SH3GL1: variants seen among roughly 807,000 people sequenced by gnomAD.
The protein encoded by SH3GL1 is endophilin-A2.
Under a neutral mutation model 48.8 loss-of-function variants are expected in SH3GL1, and 21 were observed. The observed-to-expected ratio is 0.43, with a 90% confidence interval of 0.30 to 0.62. The LOEUF is 0.62. Among genes scored for constraint, SH3GL1 ranks in the 20% least tolerant of loss-of-function variants. The pLI is 0.11. For synonymous variants in SH3GL1, 282 were observed against 217.5 expected (o/e 1.30, Z -2.61); for missense variants, 454 against 503.0 (o/e 0.90, Z 0.93).
At chr19:4,373,565 C>T (rs946672758) in intron 1 of SH3GL1, among the ~76,000 whole-genome samples, 1 of 152,256 alleles carries the variant, frequency 6.6e-6, no homozygotes, top group Non-Finnish European at 1.5e-5. Context: ...CACCCGGGGA[C>T]AGCCACAGAC....
rs367904112 is a variant in SH3GL1, at chr19:4,361,690, G to A, written c.1017C>T (p.Ile339=). The A allele has an allele frequency of 3.8e-4, 606 of 1,613,212 alleles. 5 individuals carry two copies. The South Asian group carries it at 5.3e-3, about 14-fold the overall frequency. Residue 339 remains isoleucine, a synonymous_variant, in exon 10 of 10, where the codon ATC becomes ATT. Coordinates refer to ENST00000269886, the MANE Select transcript of SH3GL1 (RefSeq NM_003025.4). ...EGDVITLTNQ[I]DENWYEGMLD... ...GCATGCCCTCGTACCAGTTCTCATCGATCTGGTTGGTCAGCGTGATGACGT... is the reference window on the plus strand; with the variant it reads ...GCATGCCCTCGTACCAGTTCTCATCAATCTGGTTGGTCAGCGTGATGACGT...
chr19:4,400,387 G>C lies in SH3GL1; in HGVS notation c.-19C>G. 1 of 1,583,240 alleles carries C rather than the reference G, an allele frequency of 6.3e-7. No individual in the cohort carries two copies. Among genetic ancestry groups the C allele is most frequent in the Non-Finnish European group, 8.5e-7 (1 of 1,169,714 alleles). ...CCGACATGCTGCCGCCCGCCGCCGA[G>C]CCTCCCGCCCGGACCGCGCCAGCGA... is the stretch of plus-strand genomic sequence containing the variant. On this transcript the variant is annotated 5_prime_UTR_variant, in exon 1 of 10. Coordinates refer to ENST00000269886, the MANE Select transcript of SH3GL1 (RefSeq NM_003025.4). The surrounding 1 kb of genome is among the most constrained non-coding windows in gnomAD (Gnocchi z 4.1).
chr19:4,394,313 G>A (rs73234), intron 1 of SH3GL1, among the ~76,000 whole-genome samples: 1 of 151,766 alleles, frequency 6.6e-6, no homozygotes, highest in African/African-American at 2.4e-5. Flanking sequence ...TCTCGCTAGC[G>A]GCATTCTTTC....
At chr19:4,372,040 G>A (rs1376715575) in intron 1 of SH3GL1, among the ~76,000 whole-genome samples, 3 of 152,088 alleles carry the variant, frequency 2.0e-5, no homozygotes, top group Non-Finnish European at 4.4e-5. Flanking sequence ...TCTCAAACTC[G>A]GCCTCAAGCA....
chr19:4,377,336 A>G (rs559893372), intron 1 of SH3GL1, among the ~76,000 whole-genome samples: 9 of 152,354 alleles, frequency 5.9e-5, no homozygotes, highest in South Asian at 4.1e-4. Context: ...GGAGGAGGGC[A>G]CTGAGGTTCT....
At chr19:4,369,121 G>A (rs1972844282) in intron 1 of SH3GL1, among the ~76,000 whole-genome samples, 1 of 152,156 alleles carries the variant, frequency 6.6e-6, no homozygotes, top group Non-Finnish European at 1.5e-5. Flanking sequence ...CCCACCGCGG[G>A]AGGGCTGACT....
chr19:4,389,653 G>T lies in SH3GL1; in HGVS notation c.45+10671C>A, dbSNP rs73918207. On this transcript the variant is annotated intron_variant, in intron 1 of 9. Transcript: ENST00000269886. This position sits in a 1 kb window ranked among gnomAD's most constrained non-coding sequence, Gnocchi z 4.5. ...CTCTAGGGCGTGCTCACACAAACTC[G>T]ACACGAGGCCATCCGCTGTAGGGTG... Among the ~76,000 whole-genome samples the T allele has an allele frequency of 1.5e-4, 23 of 152,276 alleles. No individual in the cohort carries two copies. Among genetic ancestry groups the T allele is most frequent in the African/African-American group, 5.3e-4 (22 of 41,556 alleles).
chr19:4,365,767 CCA>C, intron 3 of SH3GL1, 142 bp from the exon 4 acceptor site: 1 of 1,198,044 alleles, frequency 8.3e-7, no homozygotes, highest in Admixed American at 1.9e-5. Flanking sequence ...AGTGGAATCC[CCA>C]GAGGGTCCCT....
intron 1 of SH3GL1, among the ~76,000 whole-genome samples, chr19:4,372,426 G>C (rs1403767785): frequency 6.6e-6 from 1 of 152,210 alleles, no homozygotes; most frequent in Non-Finnish European, 1.5e-5. Context: ...ATGGAAAGGG[G>C]CAAAGCCAGG....
chr19:4,370,692 T>A (rs1036012430), intron 1 of SH3GL1, among the ~76,000 whole-genome samples: 23 of 152,352 alleles, frequency 1.5e-4, no homozygotes, highest in African/African-American at 5.3e-4. Context: ...TCTCCAAGAC[T>A]CTGCCCCTGC....
In SH3GL1 at chr19:4,366,590, C is replaced by T. The variant is rs769240076; in HGVS notation, c.115-17G>A. ...ATCCACCTTCTGTGAAGAGAAGCAG[C>T]ATATAAGACTCCACAGCCAGTGGGG... On this transcript the variant is annotated splice_polypyrimidine_tract_variant and intron_variant, in intron 2 of 9. Coordinates refer to ENST00000269886, the MANE Select transcript of SH3GL1 (RefSeq NM_003025.4). 1.2e-6 allele frequency: 2 copies of T among 1,608,644 alleles called. No homozygotes were observed. Among genetic ancestry groups the T allele is most frequent in the African/African-American group, 1.3e-5 (1 of 74,846 alleles).
Position 4,364,430 on chromosome 19 carries a change from T to C in SH3GL1, c.332-209A>G, listed in dbSNP as rs1396556804. Reference sequence around the variant, plus strand: ...GACCACAGGCGTTCACCCCCACACCTGGATCCTTTCCAACTTCTTTGAGAT... The same window carrying C: ...GACCACAGGCGTTCACCCCCACACCCGGATCCTTTCCAACTTCTTTGAGAT... On this transcript the variant is annotated intron_variant, in intron 4 of 9. Transcript: ENST00000269886. The C allele has an allele frequency of 1.0e-5, 6 of 592,706 alleles. No homozygotes were observed. The East Asian group carries it at 1.7e-4, about 17-fold the overall frequency. The allele number at this position is 592,706 out of a possible 1,614,324, so 36.7% of individuals were successfully genotyped here.
At chr19:4,364,537 T>C in intron 4 of SH3GL1, 1 of 356,496 alleles carries the variant, frequency 2.8e-6, no homozygotes, top group Non-Finnish European at 5.3e-6. Context: ...TTCAAGCAAT[T>C]CTCCTGTCTC....
At chr19:4,394,319 C>A (rs1405293074) in intron 1 of SH3GL1, among the ~76,000 whole-genome samples, 3 of 152,108 alleles carry the variant, frequency 2.0e-5, no homozygotes, top group African/African-American at 7.2e-5. Context: ...TAGCGGCATT[C>A]TTTCACCCTC....
chr19:4,368,788 T>C (rs1046637411), intron 1 of SH3GL1, among the ~76,000 whole-genome samples: 1 of 152,162 alleles, frequency 6.6e-6, no homozygotes. Flanking sequence ...AATCCCCTCG[T>C]TGGCCGGGCG....
At chr19:4,396,008 A>T (rs1428982121) in intron 1 of SH3GL1, 1 of 152,052 alleles carries the variant, frequency 6.6e-6, no homozygotes, top group Non-Finnish European at 1.5e-5. Context: ...CTCCCCCCTA[A>T]AAAAGAAGCC....
chr19:4,363,585 T>A (rs1315013085), intron 6 of SH3GL1, 112 bp from the exon 7 acceptor site: 2 of 1,451,474 alleles, frequency 1.4e-6, no homozygotes, highest in South Asian at 2.3e-5. Flanking sequence ...GACAGGGGAC[T>A]GGGGCCCATA....
chr19:4,360,705 G>C lies in SH3GL1; in HGVS notation c.*895C>G, dbSNP rs1943439645. ...GGTGAAGTGGCAGCGGCTCAGCAAG[G>C]GGAGCCTGGCCACCAGGGGCTGGGA... On this transcript the variant is annotated 3_prime_UTR_variant, in exon 10 of 10. Coordinates refer to ENST00000269886, the MANE Select transcript of SH3GL1 (RefSeq NM_003025.4). 1 of 233,538 alleles carries C rather than the reference G, an allele frequency of 4.3e-6. No homozygotes were observed. The highest frequency in any genetic ancestry group is 8.5e-6 in the Non-Finnish European group (1 of 118,250). The allele number at this position is 233,538 out of a possible 1,614,324, so 14.5% of individuals were successfully genotyped here. A position where few individuals can be genotyped will look rare whatever the true frequency, so the allele number is the denominator to read the frequency against.
Position 4,364,099 on chromosome 19 carries a change from T to G in SH3GL1, c.454A>C (p.Lys152Gln), listed in dbSNP as rs762290109. Residue 152 changes from lysine (K) to glutamine (Q), a missense_variant, in exon 5 of 10, where the codon AAG (lysine) becomes CAG (glutamine). This residue lies in a region of SH3GL1 where 176 missense variants were observed against 256.2 expected (regional missense o/e 0.69). Transcript: ENST00000269886. ...CGCAGGAGCAGCACCTGGATCTCCT[T>G]CAGGTCTTTCTCGCACAGGTTCTGG... ...PLQNLCEKDLKEIQHHLKKLE... is the reference protein window; with the variant it reads ...PLQNLCEKDLQEIQHHLKKLE... 6.2e-7 allele frequency: 1 copy of G among 1,612,782 alleles called. No individual in the cohort carries two copies. The highest frequency in any genetic ancestry group is 8.5e-7 in the Non-Finnish European group (1 of 1,180,022).
Sources: gnomAD v4.1 joint callset for allele counts (sites outside exome capture counted in the v4.1 genomes callset) on GRCh38, gnomAD v4.1.1 for gene constraint, gnomAD v4.1.1 regional missense constraint, Gnocchi (gnomAD v3.1) non-coding constraint, MANE v1.5 for transcripts, NCBI Gene and HGNC (gene_info 2026-07-23, HGNC 2026-07-21) for gene names.